UBAP1: variants seen among roughly 807,000 people sequenced by gnomAD.
The protein encoded by UBAP1 is ubiquitin-associated protein 1.
UBAP1 carries 5 observed loss-of-function variants against 39.0 expected under a neutral mutation model. The ratio of observed to expected loss-of-function variants is 0.13; its 90% CI spans 0.07 to 0.27. The LOEUF (loss-of-function observed/expected upper bound fraction) is 0.27, where lower values mean the gene tolerates loss of function less well. Ranked by LOEUF, UBAP1 falls within the 10% of genes least tolerant of loss-of-function variation. UBAP1 has a pLI of 1.00. For missense variants in UBAP1, 490 were observed against 608.1 expected, an observed-to-expected ratio of 0.81 and a Z score of 2.04; for synonymous variants, 211 against 225.1, an observed-to-expected ratio of 0.94 and a Z score of 0.56.
At chr9:34,214,283 A>G (rs1027884030) in intron 1 of UBAP1, among the ~76,000 whole-genome samples, 12 of 152,244 alleles carry the variant, frequency 7.9e-5, no homozygotes, top group African/African-American at 2.7e-4. Flanking sequence ...CTATAAGGCC[A>G]TAGTCACCAA....
intron 1 of UBAP1, among the ~76,000 whole-genome samples, chr9:34,193,406 A>T (rs1030197284): frequency 3.9e-5 from 6 of 152,022 alleles, no homozygotes; most frequent in African/African-American, 1.5e-4. Context: ...TCAACACAGA[A>T]CACATCTGTG....
At chr9:34,218,250 CAAAAAAAAAAAAAAAAAAAAAAAAAA>C (rs758443973) in intron 1 of UBAP1, among the ~76,000 whole-genome samples, 66 of 49,524 alleles carry the variant, frequency 1.3e-3, no homozygotes, top group African/African-American at 4.3e-3. Context: ...GACTCCATCT[CAAAAAAAAAAAAAAAAAAAAAAAAAA>C]AAAAAAAAAA....
At chr9:34,251,183 T>C (rs1303197926) in intron 6 of UBAP1, among the ~76,000 whole-genome samples, 1 of 152,068 alleles carries the variant, frequency 6.6e-6, no homozygotes, top group Non-Finnish European at 1.5e-5. Context: ...CTCCTGAAGG[T>C]TGATGGCCGT....
intron 2 of UBAP1, among the ~76,000 whole-genome samples, chr9:34,229,015 T>G (rs1033753081): frequency 3.9e-5 from 6 of 152,180 alleles, no homozygotes; most frequent in African/African-American, 1.4e-4. Flanking sequence ...GGGGATGTAC[T>G]AAATAAATCA....
Position 34,249,903 on chromosome 9 carries a change from G to A in UBAP1, c.1208G>A (p.Gly403Asp), listed in dbSNP as rs1239030088. 6.2e-7 allele frequency: 1 copy of A among 1,613,396 alleles called. No individual in the cohort carries two copies. ...RQCVETVVNM[G>D]YSYECVLRAM... is the part of the protein sequence containing the mutation. ...TGTGTGGAGACGGTGGTCAACATGG[G>A]CTACTCGTACGAGTGTGTCCTCAGA... is the stretch of plus-strand genomic sequence containing the variant. The change falls in exon 5 of 7, where the codon GGC becomes GAC. Residue 403 changes from glycine (G) to aspartate (D), a missense_variant. This residue lies in a region of UBAP1 where 339 missense variants were observed against 390.0 expected (regional missense o/e 0.87). Coordinates refer to ENST00000297661, the MANE Select transcript of UBAP1 (RefSeq NM_016525.5).
intron 1 of UBAP1, among the ~76,000 whole-genome samples, chr9:34,216,269 AT>A (rs1224473896): frequency 2.6e-5 from 4 of 151,978 alleles, no homozygotes; most frequent in African/African-American, 4.8e-5. Flanking sequence ...AAAATGATCA[AT>A]TTAGTGGCAT....
intron 4 of UBAP1, among the ~76,000 whole-genome samples, chr9:34,244,001 C>T (rs1327282689): frequency 1.3e-5 from 2 of 151,836 alleles, no homozygotes; most frequent in Non-Finnish European, 2.9e-5. Context: ...AGGCGCCTGC[C>T]ACCATGCGCA....
chr9:34,212,822 A>C (rs754244874), intron 1 of UBAP1, among the ~76,000 whole-genome samples: 37 of 152,346 alleles, frequency 2.4e-4, no homozygotes, highest in South Asian at 1.0e-3. Context: ...ATTCCACAAG[A>C]TAAAGAAGGA....
In UBAP1 at chr9:34,252,477, CTAT is replaced by C. The variant is rs1834624897; in HGVS notation, c.*947_*949del. 7.6e-6 allele frequency: 1 copy of C among 132,350 alleles called. No homozygotes were observed. The highest frequency in any genetic ancestry group is 2.7e-5 in the African/African-American group (1 of 36,768). The allele number at this position is 132,350 out of a possible 1,614,324, so 8.2% of individuals were successfully genotyped here. A position where few individuals can be genotyped will look rare whatever the true frequency, so the allele number is the denominator to read the frequency against. The stretch of plus-strand genomic sequence containing the variant: ...GAATCTAAAATAATTTGCTAACTAA[CTAT>C]TTTGATTCTTCAGAGAGAACTACTA... On this transcript the variant is annotated 3_prime_UTR_variant, in exon 7 of 7. Transcript: ENST00000297661.
At chr9:34,180,873 C>T (rs1412851612) in intron 1 of UBAP1, among the ~76,000 whole-genome samples, 5 of 151,006 alleles carry the variant, frequency 3.3e-5, no homozygotes, top group African/African-American at 4.9e-5. Flanking sequence ...TGCAGTGGCG[C>T]GATCTTGGCT....
chr9:34,215,922 A>G (rs1455927237), intron 1 of UBAP1, among the ~76,000 whole-genome samples: 1 of 152,110 alleles, frequency 6.6e-6, no homozygotes, highest in Non-Finnish European at 1.5e-5. Flanking sequence ...GATTTCTCAT[A>G]TTCTTAAGGA....
At chr9:34,235,614 C>A (rs28863479) in intron 3 of UBAP1, among the ~76,000 whole-genome samples, 1 of 152,158 alleles carries the variant, frequency 6.6e-6, no homozygotes, top group Non-Finnish European at 1.5e-5. Context: ...GCTGGAATTA[C>A]AGGCGTGAGC....
intron 1 of UBAP1, among the ~76,000 whole-genome samples, chr9:34,204,745 T>A (rs10971992): frequency 0.027 from 4,097 of 150,818 alleles, 185 homozygotes; most frequent in African/African-American, 0.094. Flanking sequence ...CCTCAGGTGC[T>A]CTTGTCTTTC....
rs1250149321 is a variant in UBAP1, at chr9:34,241,894, C to T, written c.869C>T (p.Thr290Ile). Residue 290 changes from threonine to isoleucine, a missense_variant, in exon 4 of 7, where the codon ACA becomes ATA. This residue lies in a region of UBAP1 where 339 missense variants were observed against 390.0 expected (regional missense o/e 0.87). Coordinates refer to ENST00000297661, the MANE Select transcript of UBAP1 (RefSeq NM_016525.5). ...AAGCTGGCGAGCACTTTCCATAGCACATCCTGCCTCCGCAATGGCACGTTC... is the reference window on the plus strand; with the variant it reads ...AAGCTGGCGAGCACTTTCCATAGCATATCCTGCCTCCGCAATGGCACGTTC... ...TAKLASTFHS[T>I]SCLRNGTFQN... is the part of the protein sequence containing the mutation. 1 of 1,614,196 alleles carries T rather than the reference C, an allele frequency of 6.2e-7. No individual in the cohort carries two copies. The highest frequency in any genetic ancestry group is 1.7e-5 in the Admixed American group (1 of 60,020).
chr9:34,186,027 T>A (rs991929524), intron 1 of UBAP1, among the ~76,000 whole-genome samples: 3 of 152,214 alleles, frequency 2.0e-5, no homozygotes, highest in Admixed American at 6.5e-5. Flanking sequence ...TCAATGCCTA[T>A]GCTGCATTCT....
chr9:34,238,635 A>G (rs533117456), intron 3 of UBAP1, among the ~76,000 whole-genome samples: 113 of 152,236 alleles, frequency 7.4e-4, no homozygotes, highest in Non-Finnish European at 5.0e-4. Context: ...AGTATCTTTA[A>G]TACTGAATTA....
intron 2 of UBAP1, among the ~76,000 whole-genome samples, chr9:34,229,656 G>A (rs946142262): frequency 2.3e-4 from 35 of 151,672 alleles, no homozygotes; most frequent in African/African-American, 8.2e-4. Context: ...TCCTGCCTCA[G>A]CCTCCTGAGT....
Position 34,217,630 on chromosome 9 carries a change from C to CA in UBAP1, c.-7-3268dup, listed in dbSNP as rs923589674. Among the ~76,000 whole-genome samples the CA allele has an allele frequency of 4.1e-3, 565 of 137,254 alleles. 5 individuals carry two copies. Among genetic ancestry groups the CA allele is most frequent in the African/African-American group, 0.012 (458 of 37,194 alleles). The allele number at this position is 137,254 out of a possible 152,430, so 90.0% of individuals were successfully genotyped here. Reference sequence around the variant, plus strand: ...CATGTGCGGTTTGTTACCTGAGTAACAAAAAAAAAAGCCTCTGCCTTTATG... The same window carrying CA: ...CATGTGCGGTTTGTTACCTGAGTAACAAAAAAAAAAAGCCTCTGCCTTTATG... On this transcript the variant is annotated intron_variant, in intron 1 of 6. Coordinates refer to ENST00000297661, the MANE Select transcript of UBAP1 (RefSeq NM_016525.5).
intron 1 of UBAP1, among the ~76,000 whole-genome samples, chr9:34,182,685 C>CTTTTCTTTCTT (rs1563881391): frequency 1.2e-5 from 1 of 84,970 alleles, no homozygotes; most frequent in Non-Finnish European, 2.4e-5. Context: ...CTTTCTTTCT[C>CTTTTCTTTCTT]TCTCTCTTTC....
Sources: gnomAD v4.1 joint callset for allele counts (sites outside exome capture counted in the v4.1 genomes callset) on GRCh38, gnomAD v4.1.1 for gene constraint, gnomAD v4.1.1 regional missense constraint, MANE v1.5 for transcripts, NCBI Gene and HGNC (gene_info 2026-07-23, HGNC 2026-07-21) for gene names.